The following ST14 variants were observed in gnomAD, a reference collection of about 807,000 sequenced individuals.
ST14 encodes suppressor of tumorigenicity 14 protein.
ST14 carries 40 observed loss-of-function variants against 96.5 expected under a neutral mutation model. The ratio of observed to expected loss-of-function variants is 0.41; its 90% CI spans 0.32 to 0.54. The LOEUF (loss-of-function observed/expected upper bound fraction) is 0.54. Ranked by LOEUF, ST14 falls within the 20% of genes least tolerant of loss-of-function variation. ST14 has a pLI of 0.17. For missense variants in ST14, 1,066 were observed against 1,188.9 expected, an observed-to-expected ratio of 0.90 and a Z score of 1.52; for synonymous variants, 506 against 492.1, an observed-to-expected ratio of 1.03 and a Z score of -0.37.
In ST14 at chr11:130,196,557, G is replaced by GC. The variant is rs11368852; in HGVS notation, c.1224-6dup. ...GCTGTCCCTCCTCACCTTGTGCCCC[G>GC]CCCCCCCTCCAGATACTGCGGAGAG... On this transcript the variant is annotated splice_polypyrimidine_tract_variant and intron_variant, in intron 10 of 18. Coordinates refer to ENST00000278742, the MANE Select transcript of ST14 (RefSeq NM_021978.4). 0.74 allele frequency: 1,187,775 copies of GC among 1,607,096 alleles called. 440,199 individuals carry two copies. Among genetic ancestry groups the GC allele is most frequent in the Middle Eastern group, 0.79 (4,801 of 6,050 alleles).
At chr11:130,197,611 C>T (rs1052980019) in intron 11 of ST14, among the ~76,000 whole-genome samples, 2 of 152,208 alleles carry the variant, frequency 1.3e-5, no homozygotes, top group Admixed American at 1.3e-4. Context: ...GGGGAGGGAC[C>T]CTGCCAGCCC....
At chr11:130,173,962 A>C (rs1471634145) in intron 1 of ST14, among the ~76,000 whole-genome samples, 1 of 152,242 alleles carries the variant, frequency 6.6e-6, no homozygotes, top group Non-Finnish European at 1.5e-5. Flanking sequence ...AGCTTCTGGT[A>C]GTTTCCAAAA....
Position 130,160,013 on chromosome 11 carries a change from G to T in ST14, c.34G>T (p.Gly12Cys). The T allele has an allele frequency of 7.0e-7, 1 of 1,427,652 alleles. No homozygotes were observed. Among genetic ancestry groups the T allele is most frequent in the Non-Finnish European group, 9.2e-7 (1 of 1,082,070 alleles). The allele number at this position is 1,427,652 out of a possible 1,614,324, so 88.4% of individuals were successfully genotyped here. ...CGATCGGGCCCGCAAGGGCGGAGGGGGCCCGAAGGACTTCGGCGCGGGACT... is the reference window on the plus strand; with the variant it reads ...CGATCGGGCCCGCAAGGGCGGAGGGTGCCCGAAGGACTTCGGCGCGGGACT... ...GSDRARKGGG[G>C]PKDFGAGLKY... Residue 12 changes from glycine to cysteine, a missense_variant, in exon 1 of 19, where the codon GGC (glycine) becomes TGC (cysteine). Physicochemically the swap from Gly to Cys is radical, Grantham distance 159. Transcript: ENST00000278742.
intron 16 of ST14, among the ~76,000 whole-genome samples, chr11:130,200,393 C>T (rs1008602476): frequency 2.6e-5 from 4 of 152,122 alleles, no homozygotes; most frequent in Admixed American, 1.3e-4. Context: ...AGGGAGCTTC[C>T]ATCCATGGCA....
chr11:130,196,223 G>A (rs1200894950), intron 9 of ST14, 116 bp from the exon 10 acceptor site: 1 of 780,132 alleles, frequency 1.3e-6, no homozygotes, highest in Non-Finnish European at 2.2e-6. Context: ...AACCTGTCTT[G>A]GTGATGGAAG....
In ST14 at chr11:130,204,921, C is replaced by T. The variant is rs562940609; in HGVS notation, c.1995-3489C>T. Among the ~76,000 whole-genome samples the T allele has an allele frequency of 3.9e-5, 6 of 152,156 alleles. No homozygotes were observed. The East Asian group carries it at 9.7e-4, about 25-fold the overall frequency. On this transcript the variant is annotated intron_variant, in intron 16 of 18. Coordinates refer to ENST00000278742, the MANE Select transcript of ST14 (RefSeq NM_021978.4). ...GAGGCAGAGGCTGGGTTTAGTGCTCCGGGGTCGGGGAGGTGCCCTGGCTGG... is the reference window on the plus strand; with the variant it reads ...GAGGCAGAGGCTGGGTTTAGTGCTCTGGGGTCGGGGAGGTGCCCTGGCTGG...
rs544434218 is a variant in ST14 at position 130,198,581 on chromosome 11, C to T, written c.1644C>T (p.Asp548=). The part of the protein sequence containing the change: ...LSKSQQCNGK[D]DCGDGSDEAS... ...AAAGCCAGCAGTGCAATGGGAAGGACGACTGTGGGGACGGGTCCGACGAGG... is the reference window on the plus strand; with the variant it reads ...AAAGCCAGCAGTGCAATGGGAAGGATGACTGTGGGGACGGGTCCGACGAGG... The change falls in exon 14 of 19, where the codon GAC becomes GAT. Residue 548 remains aspartate (D), a synonymous_variant. Coordinates refer to ENST00000278742, the MANE Select transcript of ST14 (RefSeq NM_021978.4). The T allele has an allele frequency of 3.3e-5, 54 of 1,614,042 alleles. No individual in the cohort carries two copies. The East Asian group carries it at 4.2e-4, about 13-fold the overall frequency.
intron 1 of ST14, among the ~76,000 whole-genome samples, chr11:130,163,779 G>C (rs986415454): frequency 6.6e-6 from 1 of 152,196 alleles, no homozygotes; most frequent in Non-Finnish European, 1.5e-5. Flanking sequence ...TCCTCGTTTA[G>C]GAGTTGAGAA....
intron 1 of ST14, among the ~76,000 whole-genome samples, chr11:130,176,174 A>G (rs1225300212): frequency 6.6e-6 from 1 of 152,076 alleles, no homozygotes; most frequent in African/African-American, 2.4e-5. Context: ...GCTGTGGTGT[A>G]GTCTCCGTCC....
Position 130,187,730 on chromosome 11 carries a change from G to C in ST14, c.82-384G>C, listed in dbSNP as rs1953250711. Among the ~76,000 whole-genome samples the C allele has an allele frequency of 6.6e-6, 1 of 152,142 alleles. No individual in the cohort carries two copies. The highest frequency in any genetic ancestry group is 1.5e-5 in the Non-Finnish European group (1 of 68,030). On this transcript the variant is annotated intron_variant, in intron 1 of 18. Coordinates refer to ENST00000278742, the MANE Select transcript of ST14 (RefSeq NM_021978.4). This position sits in a 1 kb window ranked among gnomAD's most constrained non-coding sequence, Gnocchi z 4.5. Reference sequence around the variant, plus strand: ...AGTTGCCAGTCATGGGCCTGGGCTGGGGCCACTCTCCGGGGCACCCACCTA... The same window carrying C: ...AGTTGCCAGTCATGGGCCTGGGCTGCGGCCACTCTCCGGGGCACCCACCTA...
At chr11:130,170,510 C>A (rs1392829820) in intron 1 of ST14, among the ~76,000 whole-genome samples, 1 of 152,082 alleles carries the variant, frequency 6.6e-6, no homozygotes, top group African/African-American at 2.4e-5. Flanking sequence ...AGAGGTGAGG[C>A]CCCAGGGAGA....
At chr11:130,193,102 T>TA in intron 7 of ST14, among the ~76,000 whole-genome samples, 1 of 117,188 alleles carries the variant, frequency 8.5e-6, no homozygotes, top group Admixed American at 1.0e-4. Flanking sequence ...ATGCCAGGCA[T>TA]GTTTTTTTTT....
intron 16 of ST14, among the ~76,000 whole-genome samples, chr11:130,206,953 T>C (rs1953496238): frequency 6.6e-6 from 1 of 152,232 alleles, no homozygotes; most frequent in African/African-American, 2.4e-5. Flanking sequence ...CAGGGTGGAC[T>C]GATGGATTAC....
chr11:130,208,479 G>C lies in ST14; in HGVS notation c.2064G>C (p.Gly688=), dbSNP rs1953511601. Residue 688 remains glycine (G), a synonymous_variant, in exon 17 of 19, where the codon GGG becomes GGC. Transcript: ENST00000278742. ...ACCAGAGCCAGCGCAGCGCCCCTGG[G>C]GTGCAGGAGCGCAGGCTCAAGCGCA... ...LHDQSQRSAP[G]VQERRLKRII... The C allele has an allele frequency of 6.2e-7, 1 of 1,614,072 alleles. No individual in the cohort carries two copies. The highest frequency in any genetic ancestry group is 8.5e-7 in the Non-Finnish European group (1 of 1,180,044).
At chr11:130,196,789 G>T in intron 11 of ST14, 89 bp downstream of exon 11, 1 of 1,591,394 alleles carries the variant, frequency 6.3e-7, no homozygotes, top group Non-Finnish European at 8.6e-7. Flanking sequence ...GTGCTTTGCT[G>T]ATTCTAAAAT....
At chr11:130,190,188 G>A in intron 6 of ST14, 40 bp downstream of exon 6, 1 of 1,613,844 alleles carries the variant, frequency 6.2e-7, no homozygotes, top group Non-Finnish European at 8.5e-7. Context: ...GTGGGGAAGA[G>A]GCGGGATGTG....
intron 1 of ST14, among the ~76,000 whole-genome samples, chr11:130,180,260 C>A (rs1316360776): frequency 1.3e-5 from 2 of 152,210 alleles, no homozygotes; most frequent in Non-Finnish European, 2.9e-5. Flanking sequence ...AAGCAGGCTA[C>A]CCATTGTCAT....
rs1055820042 is a variant in ST14, at chr11:130,181,656, C to G, written c.82-6458C>G. 9.2e-5 allele frequency among the ~76,000 whole-genome samples: 14 copies of G among 152,178 alleles called. No homozygotes were observed. The highest frequency in any genetic ancestry group is 3.4e-4 in the African/African-American group (14 of 41,456). ...TGAGACCTCCCCCTCCCACCTCCCC[C>G]ACCCAGGAGTTAAAAGAGCTTTGCT... On this transcript the variant is annotated intron_variant, in intron 1 of 18. Coordinates refer to ENST00000278742, the MANE Select transcript of ST14 (RefSeq NM_021978.4). The surrounding 1 kb of genome is among the most constrained non-coding windows in gnomAD (Gnocchi z 4.1).
chr11:130,189,859 C>T lies in ST14; in HGVS notation c.561C>T (p.Ser187=). 3 of 1,613,886 alleles carry T rather than the reference C, an allele frequency of 1.9e-6. No individual in the cohort carries two copies. The highest frequency in any genetic ancestry group is 2.5e-6 in the Non-Finnish European group (3 of 1,179,938). The change falls in exon 5 of 19, where the codon TCC becomes TCT. Residue 187 remains serine (S), a synonymous_variant. Transcript: ENST00000278742. ...RVVMLPPRAR[S]LKSFVVTSVV... is the part of the protein sequence containing the mutation. ...TCATGCTGCCCCCGCGGGCGCGCTCCCTGAAGTCCTTTGTGGTCACCTCAG... is the reference window on the plus strand; with the variant it reads ...TCATGCTGCCCCCGCGGGCGCGCTCTCTGAAGTCCTTTGTGGTCACCTCAG...
Sources: allele counts gnomAD v4.1 joint callset (sites outside exome capture counted in the v4.1 genomes callset), GRCh38; gene constraint gnomAD v4.1.1; non-coding constraint Gnocchi (gnomAD v3.1); transcripts MANE v1.5; gene names NCBI Gene and HGNC (gene_info 2026-07-23, HGNC 2026-07-21).